CTNNA3: variants seen among roughly 807,000 people sequenced by gnomAD.
The protein encoded by CTNNA3 is catenin alpha-3.
CTNNA3 carries 76 observed loss-of-function variants against 95.7 expected under a neutral mutation model. The observed-to-expected ratio is 0.79, with a 90% CI of 0.66 to 0.96. The LOEUF (loss-of-function observed/expected upper bound fraction) is 0.96, where lower values mean the gene tolerates loss of function less well. Among genes scored for constraint, CTNNA3 ranks in the 40% least tolerant of loss-of-function variants. The pLI, the probability that CTNNA3 is intolerant of heterozygous loss-of-function variation, is 0.00. For missense variants in CTNNA3, 1,191 were observed against 1,089.8 expected (o/e 1.09, Z -1.31); for synonymous variants, 431 against 374.4 (o/e 1.15, Z -1.74).
chr10:67,391,932 G>C (rs1318158477), intron 5 of CTNNA3, among the ~76,000 whole-genome samples: 79 of 151,142 alleles, frequency 5.2e-4, no homozygotes, highest in African/African-American at 1.9e-3. Flanking sequence ...TTAAACGTTA[G>C]ACCTAAAACC....
chr10:66,475,596 A>G (rs529769285), intron 11 of CTNNA3, among the ~76,000 whole-genome samples: 12 of 152,244 alleles, frequency 7.9e-5, no homozygotes, highest in African/African-American at 2.9e-4. Context: ...CATGTGGCCA[A>G]AAAACATATG....
At chr10:66,936,027 C>A (rs978460811) in intron 7 of CTNNA3, among the ~76,000 whole-genome samples, 1 of 152,108 alleles carries the variant, frequency 6.6e-6, no homozygotes, top group African/African-American at 2.4e-5. Flanking sequence ...GTATAGTGTT[C>A]CTTCCAGCCT....
At chr10:66,346,760 G>T (rs772960068) in intron 12 of CTNNA3, among the ~76,000 whole-genome samples, 1 of 151,902 alleles carries the variant, frequency 6.6e-6, no homozygotes, top group Non-Finnish European at 1.5e-5. Flanking sequence ...TACATGAAAC[G>T]TTATTTTTAT....
At chr10:66,880,061 G>A (rs1205683919) in intron 7 of CTNNA3, among the ~76,000 whole-genome samples, 1 of 152,086 alleles carries the variant, frequency 6.6e-6, no homozygotes, top group Admixed American at 6.6e-5. Flanking sequence ...TACTATAGAT[G>A]TCAGAGAACA....
At chr10:66,340,650 A>T (rs963718273) in intron 12 of CTNNA3, among the ~76,000 whole-genome samples, 1 of 151,802 alleles carries the variant, frequency 6.6e-6, no homozygotes, top group Non-Finnish European at 1.5e-5. Context: ...ATTTCAATAC[A>T]TGAAATATTA....
chr10:66,915,152 C>T (rs575228291), intron 7 of CTNNA3, among the ~76,000 whole-genome samples: 231 of 149,806 alleles, frequency 1.5e-3, no homozygotes, highest in African/African-American at 5.5e-3. Context: ...AAGGACACGT[C>T]TCCATATTTA....
chr10:66,420,397 G>A (rs916753386), intron 11 of CTNNA3, among the ~76,000 whole-genome samples: 1 of 152,100 alleles, frequency 6.6e-6, no homozygotes, highest in African/African-American at 2.4e-5. Flanking sequence ...TGAACAGAGA[G>A]TGTCTATTAT....
chr10:66,685,056 T>C (rs1355740886), intron 9 of CTNNA3, among the ~76,000 whole-genome samples: 1 of 150,464 alleles, frequency 6.6e-6, no homozygotes, highest in East Asian at 2.0e-4. Flanking sequence ...ATTTGCTACA[T>C]ATAAAAATGG....
chr10:66,810,452 C>G (rs1841828521), intron 7 of CTNNA3, among the ~76,000 whole-genome samples: 1 of 152,110 alleles, frequency 6.6e-6, no homozygotes, highest in Non-Finnish European at 1.5e-5. Context: ...AATCTGTCCC[C>G]ACATTCTGCT....
In CTNNA3 at chr10:66,209,716, T is replaced by G. The variant is rs1400466150; in HGVS notation, c.1884+70754A>C. On this transcript the variant is annotated intron_variant, in intron 13 of 17. Coordinates refer to ENST00000433211, the MANE Select transcript of CTNNA3 (RefSeq NM_013266.4). ...AAGCCAATTTTTTCATATTGCCATA[T>G]TTTATAGTAATAAGCTAGTTTCTGC... 3.3e-5 allele frequency among the ~76,000 whole-genome samples: 5 copies of G among 152,242 alleles called. No individual in the cohort carries two copies. The East Asian group carries it at 9.7e-4, about 29-fold the overall frequency.
At chr10:66,500,623 C>T (rs1184452900) in intron 11 of CTNNA3, among the ~76,000 whole-genome samples, 1 of 152,010 alleles carries the variant, frequency 6.6e-6, no homozygotes, top group African/African-American at 2.4e-5. Flanking sequence ...ACATAAATCA[C>T]TATCAAGACA....
intron 3 of CTNNA3, among the ~76,000 whole-genome samples, chr10:67,592,243 T>A (rs1443807891): frequency 6.6e-6 from 1 of 152,126 alleles, no homozygotes; most frequent in Non-Finnish European, 1.5e-5. Flanking sequence ...TGTCACTCAA[T>A]AAAATTTTAC....
At chr10:66,779,600 T>C (rs1307644167) in intron 7 of CTNNA3, among the ~76,000 whole-genome samples, 4 of 152,086 alleles carry the variant, frequency 2.6e-5, no homozygotes, top group South Asian at 2.1e-4. Context: ...TGACCTCAGG[T>C]GATCCTCCTG....
Position 66,317,165 on chromosome 10 carries a change from G to A in CTNNA3, c.1733-36544C>T, listed in dbSNP as rs1589076953. Among the ~76,000 whole-genome samples the A allele has an allele frequency of 2.6e-5, 4 of 151,974 alleles. No homozygotes were observed. The South Asian group carries it at 8.3e-4, about 32-fold the overall frequency. Reference sequence around the variant, plus strand: ...AAGATAAAATACAAATTTTAAGTTTGGAAACTTAATGCAAGTTTAATACAT... The same window carrying A: ...AAGATAAAATACAAATTTTAAGTTTAGAAACTTAATGCAAGTTTAATACAT... On this transcript the variant is annotated intron_variant, in intron 12 of 17. Coordinates refer to ENST00000433211, the MANE Select transcript of CTNNA3 (RefSeq NM_013266.4).
intron 13 of CTNNA3, among the ~76,000 whole-genome samples, chr10:66,141,588 C>T (rs1238137395): frequency 6.6e-6 from 1 of 152,118 alleles, no homozygotes; most frequent in East Asian, 1.9e-4. Flanking sequence ...CTTAACTTGC[C>T]TCAACATATT....
At chr10:66,335,278 T>C (rs934774827) in intron 12 of CTNNA3, among the ~76,000 whole-genome samples, 1 of 152,158 alleles carries the variant, frequency 6.6e-6, no homozygotes, top group African/African-American at 2.4e-5. Flanking sequence ...GGTGAGGAGC[T>C]GCATTCCTTT....
intron 7 of CTNNA3, among the ~76,000 whole-genome samples, chr10:66,976,196 A>G (rs1589528877): frequency 1.3e-5 from 2 of 152,204 alleles, no homozygotes; most frequent in East Asian, 3.9e-4. Flanking sequence ...CTCATGAAAT[A>G]ATTATAAGTA....
chr10:66,865,204 G>C (rs901380638), intron 7 of CTNNA3, among the ~76,000 whole-genome samples: 5 of 95,034 alleles, frequency 5.3e-5, no homozygotes, highest in Admixed American at 2.1e-4. Flanking sequence ...CATGGGGTGT[G>C]TGTGTGTGCG....
rs148162567 is a variant in CTNNA3, at chr10:67,126,517, C to T, written c.1047+53800G>A. Among the ~76,000 whole-genome samples the T allele has an allele frequency of 6.2e-3, 950 of 152,338 alleles. 9 individuals are homozygous for T. The highest frequency in any genetic ancestry group is 0.022 in the African/African-American group (904 of 41,574). On this transcript the variant is annotated intron_variant, in intron 7 of 17. Transcript: ENST00000433211. ...AGCGAGCCAAGATTGTGCCATTGCA[C>T]TCCAGCCTGGGCAACAGAGCGACAG...
Sources: allele counts gnomAD v4.1 joint callset (sites outside exome capture counted in the v4.1 genomes callset), GRCh38; gene constraint gnomAD v4.1.1; transcripts MANE v1.5; gene names NCBI Gene and HGNC (gene_info 2026-07-23, HGNC 2026-07-21).